PPARGC1A: variants seen among roughly 807,000 people sequenced by gnomAD.
PPARGC1A encodes the protein peroxisome proliferator-activated receptor gamma coactivator 1-alpha.
In PPARGC1A, 25 loss-of-function variants were observed where a neutral mutation model predicts 88.7. That is an observed-to-expected ratio of 0.28 (90% CI 0.21 to 0.39). The LOEUF (loss-of-function observed/expected upper bound fraction) is 0.39. Ranked by LOEUF, PPARGC1A falls within the 10% of genes least tolerant of loss-of-function variation. PPARGC1A has a pLI of 1.00. For missense variants in PPARGC1A, 880 were observed against 968.7 expected (o/e 0.91, Z 1.22); for synonymous variants, 363 against 355.6 (o/e 1.02, Z -0.24).
the PPARGC1A span, among the ~76,000 whole-genome samples, chr4:24,202,640 C>A: frequency 1.3e-3 from 192 of 152,266 alleles, no homozygotes; most frequent in Middle Eastern, 0.01. Flanking sequence ...TGAGTCAACT[C>A]TCTTCTTCCT....
the PPARGC1A span, among the ~76,000 whole-genome samples, chr4:24,168,589 C>T: frequency 6.6e-6 from 1 of 151,838 alleles, no homozygotes; most frequent in Non-Finnish European, 1.5e-5. Flanking sequence ...GCACCTTGTA[C>T]TACAAGAAGG....
At chr4:24,044,406 A>G in the PPARGC1A span, among the ~76,000 whole-genome samples, 1 of 152,148 alleles carries the variant, frequency 6.6e-6, no homozygotes, top group African/African-American at 2.4e-5. Context: ...CAGCAAAAGT[A>G]TTAGGAAATA....
the PPARGC1A span, among the ~76,000 whole-genome samples, chr4:24,155,864 C>G: frequency 3.9e-5 from 6 of 152,244 alleles, no homozygotes; most frequent in Non-Finnish European, 8.8e-5. Context: ...ATGCAAGTTA[C>G]AAGATCCACA....
chr4:24,093,015 A>C, the PPARGC1A span, among the ~76,000 whole-genome samples: 1 of 152,220 alleles, frequency 6.6e-6, no homozygotes, highest in Non-Finnish European at 1.5e-5. Context: ...TCATAATAAG[A>C]GCAACTAACA....
chr4:23,932,201 G>T, the PPARGC1A span, among the ~76,000 whole-genome samples: 40 of 152,210 alleles, frequency 2.6e-4, no homozygotes, highest in Non-Finnish European at 3.8e-4. Context: ...CAAAGGTACT[G>T]ATCAATAAAG....
chr4:23,968,854 G>C, the PPARGC1A span, among the ~76,000 whole-genome samples: 1 of 151,754 alleles, frequency 6.6e-6, no homozygotes. Context: ...GGAGGTTGCA[G>C]TGAGCCGAGA....
chr4:23,873,228 G>A (rs915488075), intron 2 of PPARGC1A, among the ~76,000 whole-genome samples: 5,725 of 95,282 alleles, frequency 0.06, 791 homozygotes, highest in Non-Finnish European at 0.098. Flanking sequence ...AAAAAATAAA[G>A]AAAAAAATGT....
At chr4:24,459,044 A>G in the PPARGC1A span, among the ~76,000 whole-genome samples, 1 of 152,232 alleles carries the variant, frequency 6.6e-6, no homozygotes, top group Admixed American at 6.5e-5. Flanking sequence ...ATCCAAAACA[A>G]AAATATATAT....
chr4:23,953,683 T>C, the PPARGC1A span, among the ~76,000 whole-genome samples: 1 of 152,066 alleles, frequency 6.6e-6, no homozygotes, highest in Non-Finnish European at 1.5e-5. Flanking sequence ...CTTTTCAATT[T>C]TCAGAACCAT....
At chr4:23,937,207 C>G in the PPARGC1A span, among the ~76,000 whole-genome samples, 577 of 151,694 alleles carry the variant, frequency 3.8e-3, 3 homozygotes, top group African/African-American at 0.013. Flanking sequence ...CCTGATTTGT[C>G]TTACTTCTAC....
chr4:24,461,799 C>G, the PPARGC1A span, among the ~76,000 whole-genome samples: 13 of 152,132 alleles, frequency 8.5e-5, no homozygotes, highest in Non-Finnish European at 1.3e-4. Flanking sequence ...CCTCAAATGT[C>G]CCCACTCTCA....
the PPARGC1A span, among the ~76,000 whole-genome samples, chr4:24,406,082 G>A: frequency 1.3e-5 from 2 of 152,134 alleles, no homozygotes; most frequent in Admixed American, 1.3e-4. Context: ...TTTGTCCATG[G>A]GAAAGGCACA....
chr4:24,051,712 G>T, the PPARGC1A span, among the ~76,000 whole-genome samples: 2 of 152,130 alleles, frequency 1.3e-5, no homozygotes, highest in Non-Finnish European at 2.9e-5. Flanking sequence ...TCAGTGCCTG[G>T]ATAACTGCTG....
chr4:24,168,751 G>A, the PPARGC1A span, among the ~76,000 whole-genome samples: 700 of 152,146 alleles, frequency 4.6e-3, 3 homozygotes, highest in Non-Finnish European at 8.1e-3. Flanking sequence ...AAAATACTAC[G>A]GTGTTGGATT....
At chr4:24,366,776 C>T in the PPARGC1A span, among the ~76,000 whole-genome samples, 11 of 152,258 alleles carry the variant, frequency 7.2e-5, no homozygotes, top group South Asian at 8.3e-4. Context: ...AAACCTAACA[C>T]GGGCAGCCCT....
chr4:24,025,057 T>C, the PPARGC1A span, among the ~76,000 whole-genome samples: 1 of 152,190 alleles, frequency 6.6e-6, no homozygotes, highest in Non-Finnish European at 1.5e-5. Flanking sequence ...ACGCACCCTG[T>C]TACAAAGTTG....
intron 2 of PPARGC1A, among the ~76,000 whole-genome samples, chr4:23,844,741 T>G (rs1345956427): frequency 9.9e-6 from 1 of 101,444 alleles, no homozygotes; most frequent in Non-Finnish European, 1.8e-5. Context: ...ATATGATATA[T>G]CATAATATAT....
the PPARGC1A span, among the ~76,000 whole-genome samples, chr4:24,073,099 T>C: frequency 0.018 from 2,814 of 152,298 alleles, 93 homozygotes; most frequent in African/African-American, 0.065. Flanking sequence ...TGGAGTCTAG[T>C]GGCACGATCT....
chr4:24,370,741 GTCTC>G, the PPARGC1A span, among the ~76,000 whole-genome samples: 3 of 116,026 alleles, frequency 2.6e-5, no homozygotes, highest in Admixed American at 9.8e-5. Flanking sequence ...AGTTTCTCCT[GTCTC>G]TCTCTTTTTT....
Sources: gnomAD v4.1 joint callset for allele counts (sites outside exome capture counted in the v4.1 genomes callset) on GRCh38, gnomAD v4.1.1 for gene constraint, MANE v1.5 for transcripts, NCBI Gene and HGNC (gene_info 2026-07-23, HGNC 2026-07-21) for gene names.